The following DSE variants were observed in gnomAD, a reference collection of about 807,000 sequenced individuals.
The protein encoded by DSE is dermatan sulfate epimerase.
Under a neutral mutation model 84.4 loss-of-function variants are expected in DSE, and 36 were observed. The observed-to-expected ratio is 0.43, with a 90% CI of 0.33 to 0.56. DSE has a LOEUF of 0.56. Among genes scored for constraint, DSE ranks in the 20% least tolerant of loss-of-function variants. The pLI is 0.06. For synonymous variants in DSE, 410 were observed against 430.1 expected (o/e 0.95, Z 0.58); for missense variants, 862 against 1,169.6 (o/e 0.74, Z 3.84).
chr6:116,434,179 A>G (rs754757507), intron 5 of DSE, among the ~76,000 whole-genome samples: 15 of 152,232 alleles, frequency 9.9e-5, no homozygotes, highest in Non-Finnish European at 2.9e-5. Flanking sequence ...AAGCCCAGAA[A>G]GAGAAGCTTG....
At chr6:116,321,536 C>T (rs974792554) in intron 2 of DSE, among the ~76,000 whole-genome samples, 5 of 152,048 alleles carry the variant, frequency 3.3e-5, no homozygotes, top group African/African-American at 1.2e-4. Context: ...TGCCTGTAAT[C>T]CCAGCACTTT....
At chr6:116,385,230 C>T (rs1406698585) in intron 1 of DSE, among the ~76,000 whole-genome samples, 1 of 152,114 alleles carries the variant, frequency 6.6e-6, no homozygotes, top group Non-Finnish European at 1.5e-5. Flanking sequence ...CCCTTGAGAG[C>T]AATGCTTAGG....
At chr6:116,376,582 T>G (rs1204158529) in intron 1 of DSE, among the ~76,000 whole-genome samples, 1 of 152,264 alleles carries the variant, frequency 6.6e-6, no homozygotes, top group East Asian at 1.9e-4. Context: ...TAATGTGTAC[T>G]GATTACCACT....
At chr6:116,429,147 G>T (rs1022299571) in intron 3 of DSE, among the ~76,000 whole-genome samples, 11 of 152,186 alleles carry the variant, frequency 7.2e-5, no homozygotes, top group African/African-American at 2.4e-4. Flanking sequence ...AACCAGAATG[G>T]TAGAGAATGG....
At chr6:116,413,313 A>G (rs1406797141) in intron 2 of DSE, among the ~76,000 whole-genome samples, 1 of 152,218 alleles carries the variant, frequency 6.6e-6, no homozygotes, top group Non-Finnish European at 1.5e-5. Flanking sequence ...TTCATTTCAC[A>G]GTATATTTAT....
At chr6:116,404,262 A>G (rs1209774351) in intron 2 of DSE, among the ~76,000 whole-genome samples, 1 of 152,242 alleles carries the variant, frequency 6.6e-6, no homozygotes, top group African/African-American at 2.4e-5. Context: ...ATCCTGAATC[A>G]CTTAAGAAAG....
At chr6:116,280,447 G>C (rs972127062) in intron 2 of DSE, among the ~76,000 whole-genome samples, 30 of 152,152 alleles carry the variant, frequency 2.0e-4, no homozygotes, top group African/African-American at 7.2e-4. Flanking sequence ...AGTATTCATT[G>C]CTAATTTTCG....
intron 1 of DSE, chr6:116,255,155 A>G (rs1454183296): frequency 1.3e-5 from 2 of 152,214 alleles, no homozygotes; most frequent in Non-Finnish European, 2.9e-5. Context: ...AATTTTGCAT[A>G]TTTATGTTTA....
In DSE at chr6:116,439,118, CTT is replaced by C. The variant is rs1784343592; in HGVS notation, c.*1776_*1777del. 2 of 152,090 alleles carry C rather than the reference CTT, an allele frequency of 1.3e-5. No individual in the cohort carries two copies. The highest frequency in any genetic ancestry group is 2.9e-5 in the Non-Finnish European group (2 of 68,026). 9.4% of individuals were successfully genotyped at this position (152,090 alleles called of 1,614,324 possible). ...ACTTAACCTCACTCAACATTCCTCT[CTT>C]TTACTCTTTCTCACTCAAAAGGATG... On this transcript the variant is annotated 3_prime_UTR_variant, in exon 6 of 6. Transcript: ENST00000644252.
In DSE at chr6:116,431,111, C is replaced by A; in HGVS notation, c.828C>A (p.Val276=). ...TRSLFQYMFL[V]QRHFNINHFG... ...CACTCTTCCAATACATGTTTCTCGT[C>A]CAGAGGCACTTCAACATCAACCACT... is the stretch of plus-strand genomic sequence containing the variant. The change falls in exon 4 of 6, where the codon GTC becomes GTA. Residue 276 remains valine, a synonymous_variant. Coordinates refer to ENST00000644252, the MANE Select transcript of DSE (RefSeq NM_013352.4). The A allele has an allele frequency of 6.2e-7, 1 of 1,614,168 alleles. No individual in the cohort carries two copies. Among genetic ancestry groups the A allele is most frequent in the Non-Finnish European group, 8.5e-7 (1 of 1,180,036 alleles).
At chr6:116,321,757 A>G (rs924003536) in intron 2 of DSE, among the ~76,000 whole-genome samples, 1 of 152,186 alleles carries the variant, frequency 6.6e-6, no homozygotes, top group Non-Finnish European at 1.5e-5. Flanking sequence ...CCGGGTGGAC[A>G]GTGTGAGACT....
intron 2 of DSE, among the ~76,000 whole-genome samples, chr6:116,405,378 T>C (rs1298582968): frequency 1.3e-5 from 2 of 152,196 alleles, no homozygotes; most frequent in Non-Finnish European, 2.9e-5. Context: ...TGAGGAAGGC[T>C]GGGCGGCTTA....
At chr6:116,421,447 A>ATATATATG (rs1371558415) in intron 2 of DSE, among the ~76,000 whole-genome samples, 6 of 64,900 alleles carry the variant, frequency 9.2e-5, no homozygotes, top group Non-Finnish European at 1.7e-4. Flanking sequence ...ATATACATAT[A>ATATATATG]TATATATATA....
At position 116,323,306 on chromosome 6, in the gene DSE, C is replaced by T. The variant is rs528812694; in HGVS notation, c.-54+64339C>T. Among the ~76,000 whole-genome samples, 3 of 152,326 alleles carry T rather than the reference C, an allele frequency of 2.0e-5. No homozygotes were observed. The South Asian group carries it at 6.2e-4, about 32-fold the overall frequency. On this transcript the variant is annotated intron_variant, in intron 2 of 3. Coordinates refer to the DSE transcript ENST00000430252. ...ACTGAGAAATATAAGAGCTGAACAT[C>T]TTTCACTGTGTTTCTTCACGACTGT...
intron 3 of DSE, among the ~76,000 whole-genome samples, chr6:116,429,182 G>A (rs1171449276): frequency 6.6e-6 from 1 of 152,186 alleles, no homozygotes; most frequent in Non-Finnish European, 1.5e-5. Context: ...CCAGAATATT[G>A]ACATATCAGG....
chr6:116,339,557 G>A (rs1777469738), intron 2 of DSE, among the ~76,000 whole-genome samples: 1 of 152,150 alleles, frequency 6.6e-6, no homozygotes, highest in South Asian at 2.1e-4. Context: ...TGTTTTGAAT[G>A]AATTAAAAAG....
intron 2 of DSE, among the ~76,000 whole-genome samples, chr6:116,408,708 T>C (rs1357524787): frequency 2.0e-5 from 3 of 152,204 alleles, no homozygotes; most frequent in African/African-American, 7.2e-5. Context: ...GGATTTGACA[T>C]CTTGGTGCAT....
intron 2 of DSE, among the ~76,000 whole-genome samples, chr6:116,404,811 T>G (rs1781813108): frequency 1.3e-5 from 2 of 152,244 alleles, no homozygotes; most frequent in East Asian, 3.8e-4. Context: ...GTATTTGTTG[T>G]GACTCTTTAG....
intron 2 of DSE, among the ~76,000 whole-genome samples, chr6:116,415,974 T>C (rs1325279108): frequency 6.6e-6 from 1 of 152,212 alleles, no homozygotes; most frequent in Non-Finnish European, 1.5e-5. Flanking sequence ...AAAATCAAGG[T>C]GTTAGCAGGG....
Sources: allele counts gnomAD v4.1 joint callset (sites outside exome capture counted in the v4.1 genomes callset), GRCh38; gene constraint gnomAD v4.1.1; transcripts MANE v1.5; gene names NCBI Gene and HGNC (gene_info 2026-07-23, HGNC 2026-07-21).